Variants in CCDC73 observed in about 807,000 individuals in gnomAD.
CCDC73 encodes coiled-coil domain-containing protein 73.
Under a neutral mutation model 116.5 loss-of-function variants are expected in CCDC73, and 95 were observed. The observed-to-expected ratio is 0.82, with a 90% CI of 0.69 to 0.97. CCDC73 has a LOEUF of 0.97. Ranked by LOEUF, CCDC73 falls within the 50% of genes least tolerant of loss-of-function variation. The pLI is 0.00. For synonymous variants in CCDC73, 398 were observed against 401.3 expected (o/e 0.99, Z 0.10); for missense variants, 1,066 against 1,206.8 (o/e 0.88, Z 1.73).
upstream of CCDC73, among the ~76,000 whole-genome samples, chr11:32,798,749 TC>T (rs1449306520): frequency 6.6e-6 from 1 of 152,192 alleles, no homozygotes; most frequent in Non-Finnish European, 1.5e-5. Flanking sequence ...GGGAAGTTCT[TC>T]CTCTTTCTAC....
chr11:32,820,936 C>T, the CCDC73 span, among the ~76,000 whole-genome samples: 74 of 152,002 alleles, frequency 4.9e-4, no homozygotes, highest in African/African-American at 1.6e-3. Flanking sequence ...CTTGCTGATT[C>T]GTTTCAGTAC....
rs535056683 is a variant in CCDC73 at position 32,611,322 on chromosome 11, G to A, written c.2897-57C>T. ...AATTTTTCTCTAGGTACTCATTTTAGTGACTGAACTTGTTTCTGATCCTAT... is the reference window on the plus strand; with the variant it reads ...AATTTTTCTCTAGGTACTCATTTTAATGACTGAACTTGTTTCTGATCCTAT... On this transcript the variant is annotated intron_variant, in intron 16 of 17. Transcript: ENST00000335185. 269 of 1,450,642 alleles carry A rather than the reference G, an allele frequency of 1.9e-4. 2 individuals are homozygous for A. In the South Asian group the frequency reaches 3.0e-3, roughly 16 times the overall value. 89.9% of individuals were successfully genotyped at this position (1,450,642 alleles called of 1,614,324 possible).
chr11:32,742,170 G>A (rs1326626565), intron 2 of CCDC73, among the ~76,000 whole-genome samples: 5 of 152,066 alleles, frequency 3.3e-5, no homozygotes, highest in Admixed American at 1.3e-4. Flanking sequence ...TTGGGTATAT[G>A]CCCAGTAATG....
In CCDC73 at chr11:32,607,080, A is replaced by ATTT. The variant is rs759164050; in HGVS notation, c.3030+4049_3030+4051dup. Among the ~76,000 whole-genome samples the ATTT allele has an allele frequency of 1.1e-3, 82 of 74,184 alleles. 5 individuals are homozygous for ATTT. Among genetic ancestry groups the ATTT allele is most frequent in the East Asian group, 4.3e-3 (10 of 2,312 alleles). 48.7% of individuals were successfully genotyped at this position (74,184 alleles called of 152,430 possible). A position where few individuals can be genotyped will look rare whatever the true frequency, so the allele number is the denominator to read the frequency against. On this transcript the variant is annotated intron_variant, in intron 17 of 17. Transcript: ENST00000335185. ...GCCCACCACGCCCAGCCAAAAATAA[A>ATTT]TTTTTTTTTTTTTTTTTTTTTTTTT...
chr11:32,828,175 T>C, the CCDC73 span, among the ~76,000 whole-genome samples: 2 of 152,024 alleles, frequency 1.3e-5, no homozygotes, highest in Admixed American at 6.6e-5. Context: ...ACAATATCCT[T>C]TGGGAGGAGA....
chr11:32,702,786 T>C (rs1414043468), intron 4 of CCDC73, 87 bp downstream of exon 4: 2 of 911,720 alleles, frequency 2.2e-6, no homozygotes, highest in East Asian at 2.4e-5. Flanking sequence ...TTGGTGACTA[T>C]GGAGAACAGC....
chr11:32,618,487 C>A (rs911721703), intron 14 of CCDC73, among the ~76,000 whole-genome samples: 1 of 152,188 alleles, frequency 6.6e-6, no homozygotes, highest in Non-Finnish European at 1.5e-5. Flanking sequence ...TTCCCACCAA[C>A]AGCATATAAG....
chr11:32,714,515 A>G (rs1411924941), intron 3 of CCDC73, among the ~76,000 whole-genome samples: 1 of 152,144 alleles, frequency 6.6e-6, no homozygotes, highest in Non-Finnish European at 1.5e-5. Context: ...AAAAACAAAT[A>G]TCCTGAAACC....
chr11:32,750,416 T>C (rs185911019), intron 2 of CCDC73, among the ~76,000 whole-genome samples: 1 of 152,186 alleles, frequency 6.6e-6, no homozygotes, highest in East Asian at 1.9e-4. Context: ...CAGTCTTGTA[T>C]CCTTCTTTTC....
chr11:32,809,111 G>T, the CCDC73 span, among the ~76,000 whole-genome samples: 1 of 152,116 alleles, frequency 6.6e-6, no homozygotes, highest in African/African-American at 2.4e-5. Flanking sequence ...CAACTAATAT[G>T]GTAGAGAAAC....
intron 7 of CCDC73, chr11:32,681,068 T>A (rs986996517): frequency 1.1e-4 from 17 of 152,022 alleles, no homozygotes; most frequent in African/African-American, 1.7e-4. Flanking sequence ...AGAAAGTATG[T>A]GGTTATTCTT....
At chr11:32,677,088 T>C (rs547571618) in intron 7 of CCDC73, among the ~76,000 whole-genome samples, 5 of 152,340 alleles carry the variant, frequency 3.3e-5, no homozygotes, top group African/African-American at 1.2e-4. Flanking sequence ...TCATTTTTTT[T>C]CCCAACTGCT....
upstream of CCDC73, among the ~76,000 whole-genome samples, chr11:32,798,732 A>G (rs1018380674): frequency 6.6e-6 from 1 of 152,226 alleles, no homozygotes; most frequent in Admixed American, 6.5e-5. Flanking sequence ...CTCCAAGCAC[A>G]GGTAATGGGA....
In CCDC73 at chr11:32,755,534, AAAATATATAT is replaced by A. The variant is rs1256530485; in HGVS notation, c.135+4565_135+4574del. ...GGGTGACAAAGCAAGACTCCATCTCAAAATATATATATATATATATATATATATGTACATA... is the reference window on the plus strand; with the variant it reads ...GGGTGACAAAGCAAGACTCCATCTCAATATATATATATATATATGTACATA... On this transcript the variant is annotated intron_variant, in intron 2 of 17. Coordinates refer to ENST00000335185, the MANE Select transcript of CCDC73 (RefSeq NM_001008391.4). Among the ~76,000 whole-genome samples the A allele has an allele frequency of 6.0e-4, 31 of 52,044 alleles. 2 individuals are homozygous for A. The highest frequency in any genetic ancestry group is 2.4e-3 in the African/African-American group (31 of 12,962). 34.1% of individuals were successfully genotyped at this position (52,044 alleles called of 152,430 possible).
chr11:32,651,813 G>A (rs1011900659), intron 12 of CCDC73, among the ~76,000 whole-genome samples: 2 of 152,164 alleles, frequency 1.3e-5, no homozygotes, highest in African/African-American at 4.8e-5. Context: ...GGAGGTAATT[G>A]TAGTTTTCTT....
the CCDC73 span, among the ~76,000 whole-genome samples, chr11:32,820,852 T>C: frequency 1.3e-5 from 2 of 152,240 alleles, no homozygotes; most frequent in Non-Finnish European, 2.9e-5. Context: ...TTCTGAGGTT[T>C]ACTAATTTGC....
At chr11:32,609,864 C>A (rs1355282222) in intron 17 of CCDC73, among the ~76,000 whole-genome samples, 1 of 152,074 alleles carries the variant, frequency 6.6e-6, no homozygotes, top group Non-Finnish European at 1.5e-5. Flanking sequence ...ACTGCAAGCT[C>A]CACCTCCTGG....
intron 2 of CCDC73, among the ~76,000 whole-genome samples, chr11:32,734,526 C>T (rs1268549763): frequency 6.7e-6 from 1 of 148,298 alleles, no homozygotes; most frequent in Non-Finnish European, 1.5e-5. Flanking sequence ...AGCAGATAAA[C>T]AAGTGAACAA....
intron 6 of CCDC73, among the ~76,000 whole-genome samples, chr11:32,697,481 C>CTTTT (rs771837421): frequency 6.7e-4 from 73 of 108,778 alleles, no homozygotes; most frequent in Non-Finnish European, 9.0e-4. Flanking sequence ...TCTCTTTATT[C>CTTTT]TTTTTTTTTT....
Sources: allele counts gnomAD v4.1 joint callset (sites outside exome capture counted in the v4.1 genomes callset), GRCh38; gene constraint gnomAD v4.1.1; transcripts MANE v1.5; gene names NCBI Gene and HGNC (gene_info 2026-07-23, HGNC 2026-07-21).